Variants in NOMO2 observed in about 807,000 individuals in gnomAD.
NOMO2 encodes the protein NODAL modulator 2.
In NOMO2, 14 loss-of-function variants were observed where a neutral mutation model predicts 67.1. That is an observed-to-expected ratio of 0.21 (90% confidence interval 0.14 to 0.33). The LOEUF (loss-of-function observed/expected upper bound fraction) is 0.33, where lower values mean the gene tolerates loss of function less well. Ranked by LOEUF, NOMO2 falls within the 10% of genes least tolerant of loss-of-function variation. The probability of loss-of-function intolerance (pLI) is 1.00; values close to 1 mark genes in which losing one functional copy is unlikely to be tolerated. For missense variants in NOMO2, 178 were observed against 761.0 expected, an observed-to-expected ratio of 0.23 and a Z score of 9.01; for synonymous variants, 80 against 305.9, an observed-to-expected ratio of 0.26 and a Z score of 7.71.
At chr16:18,535,756 T>C (rs1901404103) in intron 11 of NOMO2, among the ~76,000 whole-genome samples, 1 of 151,896 alleles carries the variant, frequency 6.6e-6, no homozygotes, top group Admixed American at 6.6e-5. Flanking sequence ...AAAACAAACT[T>C]TTTAAAGTAC....
intron 15 of NOMO2, among the ~76,000 whole-genome samples, chr16:18,528,925 G>A (rs7200550): frequency 0.37 from 45,510 of 121,730 alleles, 8,165 homozygotes; most frequent in Non-Finnish European, 0.47. Flanking sequence ...CCGAGATTGC[G>A]CCACTGCACT....
intron 9 of NOMO2, among the ~76,000 whole-genome samples, chr16:18,539,993 C>T (rs1202790569): frequency 4.6e-5 from 7 of 151,310 alleles, no homozygotes; most frequent in African/African-American, 1.7e-4. Flanking sequence ...TGTCCTCGTT[C>T]GATTTCTTAG....
At chr16:18,528,452 T>C (rs1379442572) in intron 15 of NOMO2, among the ~76,000 whole-genome samples, 3 of 151,798 alleles carry the variant, frequency 2.0e-5, no homozygotes, top group Admixed American at 1.3e-4. Context: ...GAAACACCAG[T>C]TCCAATTCTT....
intron 1 of NOMO2, chr16:18,558,934 G>A (rs1164859654): frequency 2.2e-5 from 10 of 449,676 alleles, no homozygotes; most frequent in East Asian, 1.4e-4. Flanking sequence ...CACTTTGGGA[G>A]GCCAAAGAAG....
intron 10 of NOMO2, 57 bp from the exon 11 acceptor site, chr16:18,538,733 C>G: frequency 6.2e-7 from 1 of 1,613,172 alleles, no homozygotes; most frequent in East Asian, 2.2e-5. Context: ...TGTATCCTTA[C>G]ATGTACACCA....
Position 18,557,916 on chromosome 16 carries a change from C to G in NOMO2, c.166-125G>C. The G allele has an allele frequency of 2.6e-6, 4 of 1,557,382 alleles. 1 individual carries two copies. Among genetic ancestry groups the G allele is most frequent in the Non-Finnish European group, 3.5e-6 (4 of 1,141,352 alleles). ...GGACCTACTATATACCAGCTTTTAACACGGGGCATTACTGGGGACAGAGGG... is the reference window on the plus strand; with the variant it reads ...GGACCTACTATATACCAGCTTTTAAGACGGGGCATTACTGGGGACAGAGGG... On this transcript the variant is annotated intron_variant, in intron 1 of 30. Transcript: ENST00000622306.
chr16:18,520,210 CA>C (rs1901027526), intron 20 of NOMO2, among the ~76,000 whole-genome samples: 1 of 51,288 alleles, frequency 1.9e-5, no homozygotes, highest in Non-Finnish European at 4.0e-5. Flanking sequence ...CATGCTCTGC[CA>C]AACAACAGAA....
intron 2 of NOMO2, 45 bp downstream of exon 2, chr16:18,557,657 A>G (rs1187295394): frequency 1.9e-6 from 3 of 1,611,592 alleles, no homozygotes; most frequent in South Asian, 2.2e-5. Flanking sequence ...CTGGTGAGGC[A>G]CACTAGTGAC....
rs1168805767 is a variant in NOMO2 at position 18,539,953 on chromosome 16, T to C, written c.964-989A>G. On this transcript the variant is annotated intron_variant, in intron 9 of 30. Coordinates refer to ENST00000622306, the MANE Select transcript of NOMO2 (RefSeq NM_173614.4). ...GGTCACCACTGCTAACCCATTTTAG[T>C]ATCTTCATCAAACTTACCAGTATCT... is the stretch of plus-strand genomic sequence containing the variant. Among the ~76,000 whole-genome samples, 5 of 151,800 alleles carry C rather than the reference T, an allele frequency of 3.3e-5. 1 individual carries two copies. The highest frequency in any genetic ancestry group is 7.4e-5 in the Non-Finnish European group (5 of 67,892).
At chr16:18,531,763 C>T (rs1405429547) in intron 12 of NOMO2, among the ~76,000 whole-genome samples, 156 bp from the exon 13 acceptor site, 2 of 152,096 alleles carry the variant, frequency 1.3e-5, no homozygotes, top group Non-Finnish European at 2.9e-5. Flanking sequence ...AACAAATCCA[C>T]GAATAACTTG....
chr16:18,541,579 C>T (rs1380666953), intron 9 of NOMO2, among the ~76,000 whole-genome samples: 2 of 148,946 alleles, frequency 1.3e-5, no homozygotes, highest in Admixed American at 6.7e-5. Flanking sequence ...CGATGGCTCA[C>T]ACCTGTAATC....
At chr16:18,550,637 A>AGCTG (rs1264560023) in intron 4 of NOMO2, among the ~76,000 whole-genome samples, 1 of 152,060 alleles carries the variant, frequency 6.6e-6, no homozygotes, top group African/African-American at 2.4e-5. Flanking sequence ...GAATCGCGGG[A>AGCTG]GCTGGGCACA....
intron 1 of NOMO2, among the ~76,000 whole-genome samples, chr16:18,561,194 A>AAAAAAC (rs1902039043): frequency 1.5e-5 from 2 of 137,178 alleles, no homozygotes; most frequent in Non-Finnish European, 3.1e-5. Context: ...AAAAAAAAAA[A>AAAAAAC]AAAAAAAAAA....
chr16:18,556,767 C>T (rs1314410648), intron 2 of NOMO2, among the ~76,000 whole-genome samples: 1 of 152,038 alleles, frequency 6.6e-6, no homozygotes, highest in Non-Finnish European at 1.5e-5. Flanking sequence ...TATACATATG[C>T]ATGTGTACCC....
intron 11 of NOMO2, among the ~76,000 whole-genome samples, chr16:18,536,738 C>T (rs1295895051): frequency 2.0e-5 from 3 of 152,196 alleles, no homozygotes; most frequent in East Asian, 1.9e-4. Flanking sequence ...TTATTAGGTA[C>T]GAAGCATTTT....
intron 2 of NOMO2, among the ~76,000 whole-genome samples, chr16:18,557,492 C>T (rs1901935021): frequency 6.6e-6 from 1 of 151,818 alleles, no homozygotes; most frequent in Admixed American, 6.6e-5. Context: ...CTAGACATTG[C>T]CAAATGGCCC....
rs562631611 is a variant in NOMO2, at chr16:18,553,251, G to A, written c.301+1556C>T. On this transcript the variant is annotated intron_variant, in intron 3 of 30. Coordinates refer to ENST00000622306, the MANE Select transcript of NOMO2 (RefSeq NM_173614.4). ...CACACTCCAGCCTGGGCAACAGAGC[G>A]AGACTCAGTCTCAAAAAAAAGAAAA... Among the ~76,000 whole-genome samples, 21 of 151,420 alleles carry A rather than the reference G, an allele frequency of 1.4e-4. No individual in the cohort carries two copies. In the South Asian group the frequency reaches 3.5e-3, roughly 26 times the overall value.
chr16:18,550,093 G>GA (rs1268767811), intron 4 of NOMO2, among the ~76,000 whole-genome samples: 1 of 47,474 alleles, frequency 2.1e-5, no homozygotes, highest in East Asian at 4.0e-4. Context: ...CCAGGAGGCG[G>GA]AGGTTGCAGT....
At chr16:18,555,530 G>A (rs1596862163) in intron 2 of NOMO2, among the ~76,000 whole-genome samples, 3 of 150,788 alleles carry the variant, frequency 2.0e-5, no homozygotes, top group South Asian at 2.1e-4. Flanking sequence ...GGGAGATCCT[G>A]TCTCTAAACA....
Sources: gnomAD v4.1 joint callset for allele counts (sites outside exome capture counted in the v4.1 genomes callset) on GRCh38, gnomAD v4.1.1 for gene constraint, MANE v1.5 for transcripts, NCBI Gene and HGNC (gene_info 2026-07-23, HGNC 2026-07-21) for gene names.